ANKRD11: variants seen among roughly 807,000 people sequenced by gnomAD.
ANKRD11 encodes ankyrin repeat domain 11.
In ANKRD11, 17 loss-of-function variants were observed where a neutral mutation model predicts 195.7. That is an observed-to-expected ratio of 0.09 (90% CI 0.06 to 0.13). ANKRD11 has a LOEUF of 0.13. ANKRD11 is among the 10% of genes least tolerant of loss of function. ANKRD11 has a pLI of 1.00. For missense variants in ANKRD11, 3,735 were observed against 3,566.1 expected (o/e 1.05, Z -1.21); for synonymous variants, 1,953 against 1,528.1 (o/e 1.28, Z -6.49).
chr16:89,390,690 C>A (rs943572156), intron 2 of ANKRD11, among the ~76,000 whole-genome samples: 1 of 152,064 alleles, frequency 6.6e-6, no homozygotes, highest in Non-Finnish European at 1.5e-5. Context: ...CTCGGGGAAA[C>A]AGTGAGCACA....
intron 12 of ANKRD11, chr16:89,270,407 C>T (rs997913398): frequency 2.6e-5 from 8 of 303,504 alleles, no homozygotes; most frequent in South Asian, 6.0e-5. Flanking sequence ...GAGCAGCCCT[C>T]GCGACCGGGA....
intron 2 of ANKRD11, among the ~76,000 whole-genome samples, chr16:89,347,607 T>TTA (rs1555549012): frequency 2.4e-5 from 3 of 127,352 alleles, no homozygotes; most frequent in Middle Eastern, 4.0e-3. Context: ...CGAGACTCCG[T>TTA]AAAAAAAAAA....
chr16:89,386,428 C>T (rs1567732002), intron 2 of ANKRD11, among the ~76,000 whole-genome samples: 1 of 152,184 alleles, frequency 6.6e-6, no homozygotes, highest in Non-Finnish European at 1.5e-5. Context: ...CGCCAGAAAC[C>T]CAGCCACTGG....
intron 1 of ANKRD11, among the ~76,000 whole-genome samples, chr16:89,438,878 G>A (rs960507449): frequency 6.6e-6 from 1 of 151,954 alleles, no homozygotes; most frequent in Non-Finnish European, 1.5e-5. Flanking sequence ...GTGTGGGGTT[G>A]CATGCCTGTG....
At chr16:89,469,126 T>C (rs1055714695) in intron 1 of ANKRD11, among the ~76,000 whole-genome samples, 1 of 151,414 alleles carries the variant, frequency 6.6e-6, no homozygotes, top group Non-Finnish European at 1.5e-5. Context: ...GAGCCTGCAG[T>C]GAGCCACCAC....
intron 1 of ANKRD11, among the ~76,000 whole-genome samples, chr16:89,450,104 ACT>A (rs2044002405): frequency 6.6e-6 from 1 of 152,138 alleles, no homozygotes; most frequent in African/African-American, 2.4e-5. Flanking sequence ...AATGTGTCAC[ACT>A]CTGCTCCAGC....
At chr16:89,397,431 C>T (rs755280394) in intron 2 of ANKRD11, among the ~76,000 whole-genome samples, 7 of 152,214 alleles carry the variant, frequency 4.6e-5, no homozygotes, top group Admixed American at 2.0e-4. Flanking sequence ...CTCCCAGCGC[C>T]GTACCACTCC....
Position 89,366,763 on chromosome 16 carries a change from G to GTCAT in ANKRD11, c.-59-49686_-59-49685insATGA, listed in dbSNP as rs2039967396. Among the ~76,000 whole-genome samples, 16 of 152,328 alleles carry GTCAT rather than the reference G, an allele frequency of 1.1e-4. No individual in the cohort carries two copies. The South Asian group carries it at 3.3e-3, about 32-fold the overall frequency. The stretch of plus-strand genomic sequence containing the variant: ...AGCAGCTCTCTTGAATGTGTGCTAT[G>GTCAT]GGTACACCAAGTCCCACTTCCGGGG... On this transcript the variant is annotated intron_variant, in intron 2 of 12. Coordinates refer to ENST00000301030, the MANE Select transcript of ANKRD11 (RefSeq NM_013275.6).
chr16:89,276,876 T>G (rs952943583), intron 9 of ANKRD11, among the ~76,000 whole-genome samples: 1 of 151,904 alleles, frequency 6.6e-6, no homozygotes. Flanking sequence ...ACCAACATGG[T>G]GAAACCCTGT....
intron 2 of ANKRD11, among the ~76,000 whole-genome samples, chr16:89,341,087 A>G (rs1309035646): frequency 6.6e-6 from 1 of 152,246 alleles, no homozygotes; most frequent in Non-Finnish European, 1.5e-5. Flanking sequence ...AATAAGTCAT[A>G]ACCCAAGTCA....
chr16:89,328,899 A>G (rs1281046765), intron 2 of ANKRD11: 1 of 113,318 alleles, frequency 8.8e-6, no homozygotes, highest in Non-Finnish European at 1.8e-5. Flanking sequence ...ACCCAGGAGC[A>G]CGGGCGAAAT....
chr16:89,394,348 G>A (rs1478968761), intron 2 of ANKRD11, among the ~76,000 whole-genome samples: 2 of 152,212 alleles, frequency 1.3e-5, no homozygotes, highest in African/African-American at 4.8e-5. Flanking sequence ...CAGCTCGTGG[G>A]CCAGGCACAG....
chr16:89,415,710 C>A (rs2042272247), intron 2 of ANKRD11, among the ~76,000 whole-genome samples: 1 of 150,916 alleles, frequency 6.6e-6, no homozygotes. Flanking sequence ...TACCTGTAAT[C>A]CCAGCTAGTT....
chr16:89,280,805 T>C lies in ANKRD11; in HGVS notation c.5737A>G (p.Thr1913Ala), dbSNP rs761671642. Reference protein sequence around the residue: ...LEGALPPDLDTSEDQQATAAI... With the variant: ...LEGALPPDLDASEDQQATAAI... ...GCCGTCGCCTGCTGGTCCTCGGAGG[T>C]GTCCAGGTCCGGGGGAAGGGCCCCT... Residue 1913 changes from threonine to alanine, a missense_variant, in exon 9 of 13, where the codon ACC becomes GCC. Physicochemically the swap from Thr to Ala is moderately conservative, Grantham distance 58. Coordinates refer to ENST00000301030, the MANE Select transcript of ANKRD11 (RefSeq NM_013275.6). The C allele has an allele frequency of 6.9e-6, 11 of 1,604,810 alleles. No homozygotes were observed. In the South Asian group the frequency reaches 1.2e-4, roughly 18 times the overall value.
intron 2 of ANKRD11, among the ~76,000 whole-genome samples, chr16:89,382,654 C>T (rs1260363814): frequency 1.3e-5 from 2 of 151,628 alleles, no homozygotes; most frequent in Non-Finnish European, 2.9e-5. Flanking sequence ...AAACAATTCC[C>T]CCCCTCCAGT....
intron 2 of ANKRD11, among the ~76,000 whole-genome samples, chr16:89,393,061 C>T (rs560505327): frequency 1.3e-5 from 2 of 152,192 alleles, no homozygotes; most frequent in South Asian, 4.1e-4. Flanking sequence ...TCAGTGGAGC[C>T]TCCGGCAAGC....
At chr16:89,438,556 C>T (rs1168691395) in intron 1 of ANKRD11, among the ~76,000 whole-genome samples, 1 of 152,080 alleles carries the variant, frequency 6.6e-6, no homozygotes, top group East Asian at 1.9e-4. Flanking sequence ...TGGTCTTGAA[C>T]TTATGACTTC....
At chr16:89,482,993 C>A (rs2057492950) in intron 1 of ANKRD11, among the ~76,000 whole-genome samples, 1 of 152,210 alleles carries the variant, frequency 6.6e-6, no homozygotes, top group Non-Finnish European at 1.5e-5. Flanking sequence ...TTCTAATCAA[C>A]AGAACTATAA....
At chr16:89,375,150 C>A (rs1004689144) in intron 2 of ANKRD11, among the ~76,000 whole-genome samples, 1 of 152,070 alleles carries the variant, frequency 6.6e-6, no homozygotes, top group Non-Finnish European at 1.5e-5. Context: ...CCACACTGCA[C>A]GCTGTAATGA....
Sources: allele counts gnomAD v4.1 joint callset (sites outside exome capture counted in the v4.1 genomes callset), GRCh38; gene constraint gnomAD v4.1.1; transcripts MANE v1.5; gene names NCBI Gene and HGNC (gene_info 2026-07-23, HGNC 2026-07-21).